The following SSH2 variants were observed in gnomAD, a reference collection of about 807,000 sequenced individuals.
SSH2 encodes the protein slingshot protein phosphatase 2.
Under a neutral mutation model 135.2 loss-of-function variants are expected in SSH2, and 37 were observed. That is an observed-to-expected ratio of 0.27 (90% CI 0.21 to 0.36). The LOEUF (loss-of-function observed/expected upper bound fraction) is 0.36, where lower values mean the gene tolerates loss of function less well. Among genes scored for constraint, SSH2 ranks in the 10% least tolerant of loss-of-function variants. The probability of loss-of-function intolerance (pLI) is 1.00; values close to 1 mark genes in which losing one functional copy is unlikely to be tolerated. For synonymous variants in SSH2, 628 were observed against 646.2 expected (o/e 0.97, Z 0.43); for missense variants, 1,408 against 1,765.3 (o/e 0.80, Z 3.63).
chr17:29,857,295 C>T (rs917059044), intron 1 of SSH2, among the ~76,000 whole-genome samples: 1 of 152,182 alleles, frequency 6.6e-6, no homozygotes, highest in Non-Finnish European at 1.5e-5. Context: ...TGGATGGCAG[C>T]AGGTAAAGAG....
chr17:29,631,615 G>A lies in SSH2; in HGVS notation c.3579C>T (p.Ser1193=). The change falls in exon 16 of 16, where the codon AGC becomes AGT. Residue 1193 remains serine, a synonymous_variant. Transcript: ENST00000540801. ...EQVSWEESQE[S]PLSSGSEVPY... is the part of the protein sequence containing the mutation. Reference sequence around the variant, plus strand: ...GCACCTCACTGCCACTGGAGAGAGGGCTCTCCTGACTTTCTTCCCAGCTAA... The same window carrying A: ...GCACCTCACTGCCACTGGAGAGAGGACTCTCCTGACTTTCTTCCCAGCTAA... 6.2e-7 allele frequency: 1 copy of A among 1,614,170 alleles called. No homozygotes were observed. Among genetic ancestry groups the A allele is most frequent in the Non-Finnish European group, 8.5e-7 (1 of 1,180,026 alleles).
At chr17:29,761,149 C>G in intron 3 of SSH2, 1 of 1,289,044 alleles carries the variant, frequency 7.8e-7, no homozygotes, top group South Asian at 1.2e-5. Flanking sequence ...GGCGGACTCA[C>G]AGCTGGTTGA....
intron 2 of SSH2, among the ~76,000 whole-genome samples, chr17:29,813,779 C>T (rs545731191): frequency 8.6e-5 from 13 of 151,310 alleles, no homozygotes; most frequent in Admixed American, 7.3e-4. Context: ...GATTGCGCCA[C>T]TGCACTCCAG....
At chr17:29,925,418 TA>T (rs1197050812) in intron 1 of SSH2, 5 of 397,916 alleles carry the variant, frequency 1.3e-5, no homozygotes, top group Non-Finnish European at 2.2e-5. Flanking sequence ...TAATATATTG[TA>T]GACTTGAAAA....
At chr17:29,828,370 T>A (rs571860151) in intron 2 of SSH2, among the ~76,000 whole-genome samples, 1 of 152,210 alleles carries the variant, frequency 6.6e-6, no homozygotes, top group Non-Finnish European at 1.5e-5. Flanking sequence ...TGTGAACTTT[T>A]AGAATAGATT....
intron 1 of SSH2, among the ~76,000 whole-genome samples, chr17:29,920,900 A>G (rs1296064962): frequency 6.6e-6 from 1 of 152,182 alleles, no homozygotes; most frequent in Non-Finnish European, 1.5e-5. Flanking sequence ...ATGAAAAACC[A>G]GAGGAAAATT....
At position 29,631,879 on chromosome 17, in the gene SSH2, C is replaced by G; in HGVS notation, c.3315G>C (p.Leu1105=). The part of the protein sequence containing the change: ...QVSLHPQVLP[L]PHSSSPEHNR... ...TGTGCTCAGGGGAGGAAGAATGAGG[C>G]AGAGGTAGCACTTGGGGGTGCAGAG... is the stretch of plus-strand genomic sequence containing the variant. Residue 1105 remains leucine (L), a synonymous_variant, in exon 16 of 16, where the codon CTG becomes CTC. Coordinates refer to ENST00000540801, the MANE Select transcript of SSH2 (RefSeq NM_001282129.2). 1 of 1,614,186 alleles carries G rather than the reference C, an allele frequency of 6.2e-7. No homozygotes were observed. Among genetic ancestry groups the G allele is most frequent in the Non-Finnish European group, 8.5e-7 (1 of 1,180,028 alleles).
intron 1 of SSH2, among the ~76,000 whole-genome samples, chr17:29,861,328 G>A (rs753840239): frequency 3.9e-5 from 6 of 152,084 alleles, no homozygotes; most frequent in Non-Finnish European, 8.8e-5. Context: ...GTACTGCCTA[G>A]GTTGTCTTCT....
At chr17:29,708,664 A>G (rs1280556476) in intron 3 of SSH2, among the ~76,000 whole-genome samples, 2 of 151,514 alleles carry the variant, frequency 1.3e-5, no homozygotes, top group African/African-American at 4.8e-5. Flanking sequence ...ATGTTTCTGA[A>G]TTGACTAGTT....
intron 3 of SSH2, among the ~76,000 whole-genome samples, chr17:29,756,194 AC>A (rs1364398012): frequency 1.3e-5 from 2 of 149,796 alleles, no homozygotes; most frequent in African/African-American, 4.9e-5. Flanking sequence ...AATCGCTTGA[AC>A]CCAGGGGGCG....
At chr17:29,874,685 C>T (rs1296653937) in intron 1 of SSH2, among the ~76,000 whole-genome samples, 1 of 152,122 alleles carries the variant, frequency 6.6e-6, no homozygotes, top group South Asian at 2.1e-4. Context: ...GTTGATTAAA[C>T]CTCTTTATAA....
At chr17:29,914,100 A>C (rs2066837792) in intron 1 of SSH2, among the ~76,000 whole-genome samples, 2 of 152,200 alleles carry the variant, frequency 1.3e-5, no homozygotes, top group African/African-American at 4.8e-5. Flanking sequence ...CTGTATCCAA[A>C]GCTATCTTAC....
intron 3 of SSH2, among the ~76,000 whole-genome samples, chr17:29,761,885 A>G (rs141120272): frequency 4.3e-5 from 6 of 139,430 alleles, no homozygotes; most frequent in African/African-American, 1.7e-4. Context: ...ATATATATAT[A>G]TATTTTTTTT....
In SSH2 at chr17:29,628,979, TGTGC is replaced by T. The variant is rs2150954379; in HGVS notation, c.*1858_*1861del. Reference sequence around the variant, plus strand: ...GGCCTCTGACATCATGCTGACAGTCTGTGCATTTGTATTTTCCTCAGTGCTGTGA... The same window carrying T: ...GGCCTCTGACATCATGCTGACAGTCTATTTGTATTTTCCTCAGTGCTGTGA... On this transcript the variant is annotated 3_prime_UTR_variant, in exon 16 of 16. Transcript: ENST00000540801. 6.6e-6 allele frequency: 1 copy of T among 152,558 alleles called. No individual in the cohort carries two copies. Among genetic ancestry groups the T allele is most frequent in the Admixed American group, 6.5e-5 (1 of 15,304 alleles). The allele number at this position is 152,558 out of a possible 1,614,324, so 9.5% of individuals were successfully genotyped here.
At chr17:29,774,343 C>T (rs1373150912) in intron 3 of SSH2, among the ~76,000 whole-genome samples, 1 of 152,098 alleles carries the variant, frequency 6.6e-6, no homozygotes, top group Non-Finnish European at 1.5e-5. Context: ...TGGCTCACTG[C>T]AACCTCCTCC....
At chr17:29,834,224 G>C (rs1208364121) in intron 2 of SSH2, among the ~76,000 whole-genome samples, 3 of 151,804 alleles carry the variant, frequency 2.0e-5, no homozygotes, top group Non-Finnish European at 4.4e-5. Context: ...CTCAACATTT[G>C]AAAAAAATAT....
At chr17:29,906,318 A>G (rs139008440) in intron 1 of SSH2, among the ~76,000 whole-genome samples, 94 of 152,340 alleles carry the variant, frequency 6.2e-4, no homozygotes, top group African/African-American at 2.2e-3. Flanking sequence ...ATATGCAGGA[A>G]ATTGAAATTG....
At chr17:29,740,212 G>A (rs766479599) in intron 3 of SSH2, among the ~76,000 whole-genome samples, 10 of 152,194 alleles carry the variant, frequency 6.6e-5, no homozygotes, top group African/African-American at 2.2e-4. Flanking sequence ...GCAGAGATCC[G>A]ATCTGAAGAG....
intron 11 of SSH2, among the ~76,000 whole-genome samples, chr17:29,665,011 T>C (rs1002771276): frequency 2.0e-5 from 3 of 152,150 alleles, no homozygotes; most frequent in East Asian, 1.9e-4. Context: ...GAAACTTGAC[T>C]TTCAAGTTTG....
Sources: gnomAD v4.1 joint callset for allele counts (sites outside exome capture counted in the v4.1 genomes callset) on GRCh38, gnomAD v4.1.1 for gene constraint, MANE v1.5 for transcripts, NCBI Gene and HGNC (gene_info 2026-07-23, HGNC 2026-07-21) for gene names.